The following TSEN54 variants were observed in gnomAD, a reference collection of about 807,000 sequenced individuals.
TSEN54 encodes the protein tRNA-splicing endonuclease subunit Sen54.
In TSEN54, 55 loss-of-function variants were observed where a neutral mutation model predicts 61.9. That is an observed-to-expected ratio of 0.89 (90% CI 0.72 to 1.11). The LOEUF (loss-of-function observed/expected upper bound fraction) is 1.11. Among genes scored for constraint, TSEN54 ranks in the 50% most tolerant of loss-of-function variants. The pLI, the probability that TSEN54 is intolerant of heterozygous loss-of-function variation, is 0.00. For synonymous variants in TSEN54, 304 were observed against 288.7 expected, an observed-to-expected ratio of 1.05 and a Z score of -0.54; for missense variants, 760 against 687.7, an observed-to-expected ratio of 1.11 and a Z score of -1.18.
chr17:75,522,311 T>G lies in TSEN54; in HGVS notation c.1230T>G (p.Ser410Arg). 4.5e-6 allele frequency: 7 copies of G among 1,545,606 alleles called. No individual in the cohort carries two copies. Among genetic ancestry groups the G allele is most frequent in the Non-Finnish European group, 6.1e-6 (7 of 1,146,798 alleles). ...GCCAGCCCGTCACCCCGCTGCTGAG[T>G]CCTGGCCAGGCCAGCTCCCCAGGTA... is the stretch of plus-strand genomic sequence containing the variant. ...LWGQPVTPLL[S>R]PGQASSPAVV... The change falls in exon 8 of 11, where the codon AGT becomes AGG. Residue 410 changes from serine to arginine, a missense_variant. Physicochemically the swap from Ser to Arg is moderately radical, Grantham distance 110. Transcript: ENST00000333213.
Position 75,519,062 on chromosome 17 carries a change from T to A in TSEN54, c.521+15T>A. 1 of 1,613,992 alleles carries A rather than the reference T, an allele frequency of 6.2e-7. No homozygotes were observed. Among genetic ancestry groups the A allele is most frequent in the Non-Finnish European group, 8.5e-7 (1 of 1,179,902 alleles). Reference sequence around the variant, plus strand: ...TTCCAACCAAGGTAAATCCCCTTCCTGTTCCCCTTCCATATATTCTAGTCC... The same window carrying A: ...TTCCAACCAAGGTAAATCCCCTTCCAGTTCCCCTTCCATATATTCTAGTCC... On this transcript the variant is annotated intron_variant, in intron 6 of 10. Coordinates refer to ENST00000333213, the MANE Select transcript of TSEN54 (RefSeq NM_207346.3).
At chr17:75,521,336 T>G (rs762517814) in intron 6 of TSEN54, 73 bp from the exon 7 acceptor site, 2 of 1,308,004 alleles carry the variant, frequency 1.5e-6, no homozygotes, top group Admixed American at 1.7e-5. Flanking sequence ...TTGGCCCGTT[T>G]CCTTACACAT....
rs1346057234 is a variant in TSEN54, at chr17:75,521,514, A to G, written c.623+4A>G. Reference sequence around the variant, plus strand: ...AGAGGAGCAGCTCCAGCCCTCGGTAACTCCCACATCACGGTGGCCCCCCAG... The same window carrying G: ...AGAGGAGCAGCTCCAGCCCTCGGTAGCTCCCACATCACGGTGGCCCCCCAG... On this transcript the variant is annotated splice_donor_region_variant and intron_variant, in intron 7 of 10. Coordinates refer to ENST00000333213, the MANE Select transcript of TSEN54 (RefSeq NM_207346.3). 2.0e-5 allele frequency: 33 copies of G among 1,613,620 alleles called. No homozygotes were observed. In the Admixed American group the frequency reaches 5.5e-4, roughly 27 times the overall value.
At chr17:75,517,414 T>C (rs2053384282) in intron 4 of TSEN54, 143 bp from the exon 5 acceptor site, 3 of 1,133,866 alleles carry the variant, frequency 2.6e-6, no homozygotes, top group Non-Finnish European at 4.0e-6. Flanking sequence ...ACATTAGTGA[T>C]GCTGCCCCAC....
At chr17:75,517,421 C>A in intron 4 of TSEN54, 136 bp from the exon 5 acceptor site, 1 of 1,145,718 alleles carries the variant, frequency 8.7e-7, no homozygotes, top group Non-Finnish European at 1.3e-6. Flanking sequence ...TGATGCTGCC[C>A]CACTTTCCTG....
At chr17:75,523,424 A>T (rs141769096) in intron 9 of TSEN54, 89 bp downstream of exon 9, 37 of 1,610,538 alleles carry the variant, frequency 2.3e-5, no homozygotes, top group Non-Finnish European at 3.0e-5. Context: ...GGTGTAAACT[A>T]GAGGACTGTT....
chr17:75,522,186 G>C lies in TSEN54; in HGVS notation c.1105G>C (p.Asp369His). Residue 369 changes from aspartate to histidine, a missense_variant, in exon 8 of 11, where the codon GAT (aspartate) becomes CAT (histidine). Asp to His is a moderately conservative substitution (Grantham distance 81, BLOSUM62 -1). Coordinates refer to ENST00000333213, the MANE Select transcript of TSEN54 (RefSeq NM_207346.3). ...GCAGTTCCAGGAAGATGTCAACGCC[G>C]ATCCCGAGGTGCAGCGGTGCTCCAG... is the stretch of plus-strand genomic sequence containing the variant. ...AAQFQEDVNA[D>H]PEVQRCSSWR... 1.3e-6 allele frequency: 2 copies of C among 1,549,212 alleles called. No individual in the cohort carries two copies. The highest frequency in any genetic ancestry group is 1.7e-6 in the Non-Finnish European group (2 of 1,144,318).
chr17:75,522,490 C>T lies in TSEN54; in HGVS notation c.1252+157C>T, dbSNP rs776890552. The T allele has an allele frequency of 4.0e-6, 6 of 1,492,222 alleles. No individual in the cohort carries two copies. The African/African-American group carries it at 6.9e-5, about 17-fold the overall frequency. 92.4% of individuals were successfully genotyped at this position (1,492,222 alleles called of 1,614,324 possible). ...AGCACGGTCAGTTCTCCGGCGGCTG[C>T]AGCAGGGCCTGTGTGGGAAGGCTTA... On this transcript the variant is annotated intron_variant, in intron 8 of 10. Transcript: ENST00000333213.
At position 75,521,983 on chromosome 17, in the gene TSEN54, TCTC is replaced by T. The variant is rs751647529; in HGVS notation, c.905_907del (p.Ser302del). 1.5e-5 allele frequency: 24 copies of T among 1,606,312 alleles called. No homozygotes were observed. The highest frequency in any genetic ancestry group is 1.6e-4 in the Middle Eastern group (1 of 6,072). On this transcript the variant is annotated inframe_deletion, in exon 8 of 11. Coordinates refer to ENST00000333213, the MANE Select transcript of TSEN54 (RefSeq NM_207346.3). ...AAGCGGCGCTGGAACTTCGAGCAGA[TCTC>T]CTTCCCCAACATGGCTTCAGACAGC...
intron 6 of TSEN54, among the ~76,000 whole-genome samples, chr17:75,519,328 T>C (rs1210978523): frequency 6.6e-6 from 1 of 152,226 alleles, no homozygotes; most frequent in Non-Finnish European, 1.5e-5. Flanking sequence ...ATTGGAACAG[T>C]GCCTGGCACT....
chr17:75,522,400 G>A lies in TSEN54; in HGVS notation c.1252+67G>A, dbSNP rs894223517. The stretch of plus-strand genomic sequence containing the variant: ...CTGAGGAATCACAGGACTTTGGAAA[G>A]GGCATGGATGAACTGGGATGGATTG... On this transcript the variant is annotated intron_variant, in intron 8 of 10. Coordinates refer to ENST00000333213, the MANE Select transcript of TSEN54 (RefSeq NM_207346.3). The A allele has an allele frequency of 7.2e-6, 11 of 1,535,958 alleles. No homozygotes were observed. In the Admixed American group the frequency reaches 2.2e-4, roughly 30 times the overall value.
rs183826211 is a variant in TSEN54 at position 75,517,413 on chromosome 17, A to G, written c.370-144A>G. The G allele has an allele frequency of 1.9e-4, 214 of 1,129,912 alleles. 1 individual carries two copies. The highest frequency in any genetic ancestry group is 1.0e-4 in the Non-Finnish European group (75 of 750,770). 70.0% of individuals were successfully genotyped at this position (1,129,912 alleles called of 1,614,324 possible). A position where few individuals can be genotyped will look rare whatever the true frequency, so the allele number is the denominator to read the frequency against. On this transcript the variant is annotated intron_variant, in intron 4 of 10. Transcript: ENST00000333213. ...GCAGGGATTCCAGTCCACATTAGTG[A>G]TGCTGCCCCACTTTCCTGGTTGGCC...
Position 75,517,004 on chromosome 17 carries a change from G to T in TSEN54, c.222-5G>T, listed in dbSNP as rs533147949. Reference sequence around the variant, plus strand: ...TGACGCAGACCCCTCCCCACTCCTCGCCAGGGGCAGCTTGGTGGCTGCCGA... The same window carrying T: ...TGACGCAGACCCCTCCCCACTCCTCTCCAGGGGCAGCTTGGTGGCTGCCGA... On this transcript the variant is annotated splice_region_variant and splice_polypyrimidine_tract_variant and intron_variant, in intron 2 of 10. Transcript: ENST00000333213. 2.5e-6 allele frequency: 4 copies of T among 1,579,830 alleles called. No homozygotes were observed. The East Asian group carries it at 7.0e-5, about 27-fold the overall frequency.
At chr17:75,520,954 CAAAAAA>C (rs74269590) in intron 6 of TSEN54, among the ~76,000 whole-genome samples, 3 of 95,054 alleles carry the variant, frequency 3.2e-5, no homozygotes, top group African/African-American at 1.1e-4. Context: ...GACTGTGTCT[CAAAAAA>C]AAAAAAAAAA....
In TSEN54 at chr17:75,517,548, C is replaced by T. The variant is rs797046056; in HGVS notation, c.370-9C>T. The T allele has an allele frequency of 6.2e-7, 1 of 1,612,852 alleles. No individual in the cohort carries two copies. ...GGCTCATAAGCTGAGCTGTTGGCCC[C>T]ACTTCCAGGGCTCCATCCACCTCTT... is the stretch of plus-strand genomic sequence containing the variant. On this transcript the variant is annotated splice_polypyrimidine_tract_variant and intron_variant, in intron 4 of 10. Coordinates refer to ENST00000333213, the MANE Select transcript of TSEN54 (RefSeq NM_207346.3).
chr17:75,520,815 A>G (rs1325018602), intron 6 of TSEN54, among the ~76,000 whole-genome samples: 1 of 151,430 alleles, frequency 6.6e-6, no homozygotes, highest in Non-Finnish European at 1.5e-5. Flanking sequence ...TTAGCTGGGC[A>G]TGGTGGCACG....
chr17:75,521,827 GCC>G lies in TSEN54; in HGVS notation c.749_750del (p.Pro250HisfsTer43). 1 of 1,612,928 alleles carries G rather than the reference GCC, an allele frequency of 6.2e-7. No individual in the cohort carries two copies. Among genetic ancestry groups the G allele is most frequent in the Non-Finnish European group, 8.5e-7 (1 of 1,179,950 alleles). The stretch of plus-strand genomic sequence containing the variant: ...CCAGAGGAGAAACCCCAGGAGTCAA[GCC>G]CCATGAAGGGCCCAGGGGGCCCCTT... On this transcript the variant is annotated frameshift_variant, in exon 8 of 11. Transcript: ENST00000333213. LOFTEE classifies it high-confidence loss of function.
chr17:75,521,344 C>T lies in TSEN54; in HGVS notation c.522-65C>T, dbSNP rs765842948. The T allele has an allele frequency of 3.3e-5, 46 of 1,375,622 alleles. No individual in the cohort carries two copies. The South Asian group carries it at 5.0e-4, about 15-fold the overall frequency. 85.2% of individuals were successfully genotyped at this position (1,375,622 alleles called of 1,614,324 possible). ...TGTCCTCTTGGCCCGTTTCCTTACA[C>T]ATCCCACCAGATCCCCAGGCTGAGG... On this transcript the variant is annotated intron_variant, in intron 6 of 10. Coordinates refer to ENST00000333213, the MANE Select transcript of TSEN54 (RefSeq NM_207346.3).
chr17:75,520,781 T>C (rs2053419407), intron 6 of TSEN54, among the ~76,000 whole-genome samples: 1 of 151,946 alleles, frequency 6.6e-6, no homozygotes, highest in South Asian at 2.1e-4. Context: ...TGGTGAAACC[T>C]TGTCTCTACT....
Sources: allele counts gnomAD v4.1 joint callset (sites outside exome capture counted in the v4.1 genomes callset), GRCh38; gene constraint gnomAD v4.1.1; transcripts MANE v1.5; gene names NCBI Gene and HGNC (gene_info 2026-07-23, HGNC 2026-07-21).